The following SGIP1 variants were observed in gnomAD, a reference collection of about 807,000 sequenced individuals.
SGIP1 encodes SH3-containing GRB2-like protein 3-interacting protein 1.
Under a neutral mutation model 107.5 loss-of-function variants are expected in SGIP1, and 38 were observed. That is an observed-to-expected ratio of 0.35 (90% confidence interval 0.27 to 0.46). SGIP1 has a LOEUF of 0.46. SGIP1 is among the 20% of genes least tolerant of loss of function. The probability of loss-of-function intolerance (pLI) is 1.00; values close to 1 mark genes in which losing one functional copy is unlikely to be tolerated. For missense variants in SGIP1, 929 were observed against 1,019.5 expected (o/e 0.91, Z 1.21); for synonymous variants, 365 against 366.1 (o/e 1.00, Z 0.03).
At chr1:66,578,797 G>T (rs1041223865) in intron 1 of SGIP1, among the ~76,000 whole-genome samples, 2 of 152,042 alleles carry the variant, frequency 1.3e-5, no homozygotes, top group Non-Finnish European at 2.9e-5. Flanking sequence ...TCAGCCTCCC[G>T]AGTAGCTGGG....
intron 1 of SGIP1, among the ~76,000 whole-genome samples, chr1:66,615,065 C>T (rs1264037450): frequency 6.6e-6 from 1 of 152,000 alleles, no homozygotes; most frequent in Non-Finnish European, 1.5e-5. Flanking sequence ...AGGTGATCCA[C>T]CCACCTCGGT....
intron 5 of SGIP1, 65 bp from the exon 6 acceptor site, chr1:66,642,744 GA>G (rs565693472): frequency 1.2e-5 from 17 of 1,391,440 alleles, no homozygotes; most frequent in South Asian, 7.1e-5. Flanking sequence ...GAAGACTCTA[GA>G]AAAAAAATAA....
At chr1:66,631,156 G>T (rs545888687) in intron 2 of SGIP1, among the ~76,000 whole-genome samples, 1 of 152,208 alleles carries the variant, frequency 6.6e-6, no homozygotes, top group Non-Finnish European at 1.5e-5. Context: ...GCTTTGATGA[G>T]TATGGATTGG....
intron 1 of SGIP1, among the ~76,000 whole-genome samples, chr1:66,562,231 G>A (rs1430207530): frequency 6.6e-6 from 1 of 151,928 alleles, no homozygotes; most frequent in Non-Finnish European, 1.5e-5. Flanking sequence ...TTGGAGAGCG[G>A]CAACTTCTAA....
In SGIP1 at chr1:66,676,648, A is replaced by T. The variant is rs979346742; in HGVS notation, c.647-356A>T. Reference sequence around the variant, plus strand: ...CCAACTTACAGCAAAACAAATGTTCATGGGGTTAATGTCTGGATTTTCAAA... The same window carrying T: ...CCAACTTACAGCAAAACAAATGTTCTTGGGGTTAATGTCTGGATTTTCAAA... On this transcript the variant is annotated intron_variant, in intron 12 of 24. Coordinates refer to ENST00000371037, the MANE Select transcript of SGIP1 (RefSeq NM_032291.4). 3.3e-5 allele frequency among the ~76,000 whole-genome samples: 5 copies of T among 152,342 alleles called. No homozygotes were observed. The South Asian group carries it at 1.0e-3, about 32-fold the overall frequency.
intron 5 of SGIP1, among the ~76,000 whole-genome samples, chr1:66,641,934 CA>C (rs930524309): frequency 3.7e-4 from 57 of 152,326 alleles, no homozygotes; most frequent in Middle Eastern, 3.4e-3. Flanking sequence ...TCCTTTCAAA[CA>C]TCCTTGATTC....
chr1:66,652,308 C>G (rs1412099888), intron 7 of SGIP1, among the ~76,000 whole-genome samples: 23 of 152,078 alleles, frequency 1.5e-4, no homozygotes, highest in Admixed American at 1.5e-3. Context: ...TCCTTAAGTT[C>G]AGAGACTTGT....
At chr1:66,564,990 A>G (rs2059448451) in intron 1 of SGIP1, among the ~76,000 whole-genome samples, 1 of 152,020 alleles carries the variant, frequency 6.6e-6, no homozygotes, top group Non-Finnish European at 1.5e-5. Context: ...CCAAATGAAG[A>G]AAAACTGAGG....
chr1:66,610,658 GTCT>G (rs746566844), intron 1 of SGIP1, among the ~76,000 whole-genome samples: 8 of 151,884 alleles, frequency 5.3e-5, no homozygotes, highest in Non-Finnish European at 1.2e-4. Context: ...ACACTTTAAA[GTCT>G]TCTTCAACCA....
At chr1:66,684,004 A>G in intron 15 of SGIP1, 4 of 1,483,918 alleles carry the variant, frequency 2.7e-6, no homozygotes, top group Non-Finnish European at 2.7e-6. Flanking sequence ...GGCTTGAGCT[A>G]CCGCGCCCAG....
chr1:66,581,658 C>T (rs1217188687), intron 1 of SGIP1, among the ~76,000 whole-genome samples: 1 of 152,042 alleles, frequency 6.6e-6, no homozygotes, highest in Non-Finnish European at 1.5e-5. Context: ...GTCGCATCCT[C>T]AGCTCAGCTC....
At chr1:66,742,460 CTTTTTTTTTT>C (rs764080079) in intron 24 of SGIP1, among the ~76,000 whole-genome samples, 22 of 45,102 alleles carry the variant, frequency 4.9e-4, no homozygotes, top group Non-Finnish European at 7.0e-4. Context: ...AGCACCCTTT[CTTTTTTTTTT>C]TTTTTTTTTT....
intron 1 of SGIP1, among the ~76,000 whole-genome samples, chr1:66,573,646 A>T (rs555828308): frequency 1.6e-3 from 237 of 152,288 alleles, no homozygotes; most frequent in Non-Finnish European, 2.8e-3. Flanking sequence ...TCCTTCGCAA[A>T]CTAATGCAGC....
intron 7 of SGIP1, among the ~76,000 whole-genome samples, chr1:66,655,263 C>T (rs987414862): frequency 6.6e-6 from 1 of 152,098 alleles, no homozygotes; most frequent in Non-Finnish European, 1.5e-5. Context: ...TTCCACTACT[C>T]CCTGGCTCCC....
chr1:66,555,626 T>C (rs982770576), intron 1 of SGIP1, among the ~76,000 whole-genome samples: 1 of 152,146 alleles, frequency 6.6e-6, no homozygotes, highest in Admixed American at 6.5e-5. Context: ...TAAACCCCAA[T>C]GGCATCGATT....
chr1:66,637,342 C>T (rs1004446830), intron 4 of SGIP1, among the ~76,000 whole-genome samples: 1 of 151,946 alleles, frequency 6.6e-6, no homozygotes, highest in Non-Finnish European at 1.5e-5. Flanking sequence ...TCCATCCAGG[C>T]TCTGGCCTAA....
intron 19 of SGIP1, among the ~76,000 whole-genome samples, chr1:66,720,588 G>A (rs963435674): frequency 4.2e-4 from 64 of 152,058 alleles, no homozygotes; most frequent in South Asian, 1.0e-3. Context: ...TTGGCTGAGC[G>A]GGTGGTGCAC....
At chr1:66,570,605 C>T (rs1361444589) in intron 1 of SGIP1, among the ~76,000 whole-genome samples, 5 of 151,852 alleles carry the variant, frequency 3.3e-5, no homozygotes, top group Non-Finnish European at 7.4e-5. Flanking sequence ...TCCATCAAAT[C>T]ATTCATTATA....
intron 21 of SGIP1, among the ~76,000 whole-genome samples, chr1:66,736,141 C>A (rs1237201900): frequency 1.4e-5 from 2 of 146,724 alleles, no homozygotes; most frequent in African/African-American, 4.9e-5. Flanking sequence ...AAAACCTATA[C>A]AATCTATAAC....
Sources: gnomAD v4.1 joint callset for allele counts (sites outside exome capture counted in the v4.1 genomes callset) on GRCh38, gnomAD v4.1.1 for gene constraint, MANE v1.5 for transcripts, NCBI Gene and HGNC (gene_info 2026-07-23, HGNC 2026-07-21) for gene names.